GALNT3: variants seen among roughly 807,000 people sequenced by gnomAD.
The protein encoded by GALNT3 is polypeptide N-acetylgalactosaminyltransferase 3.
Under a neutral mutation model 69.8 loss-of-function variants are expected in GALNT3, and 51 were observed. The observed-to-expected ratio is 0.73, with a 90% CI of 0.58 to 0.92. GALNT3 has a LOEUF of 0.92. Among genes scored for constraint, GALNT3 ranks in the 40% least tolerant of loss-of-function variants. GALNT3 has a pLI of 0.00. For synonymous variants in GALNT3, 265 were observed against 248.5 expected (o/e 1.07, Z -0.63); for missense variants, 711 against 760.0 (o/e 0.94, Z 0.76).
At chr2:165,785,500 CTG>C (rs1194320606) in intron 1 of GALNT3, among the ~76,000 whole-genome samples, 6 of 152,142 alleles carry the variant, frequency 3.9e-5, no homozygotes, top group Non-Finnish European at 8.8e-5. Flanking sequence ...CTTCAAACAA[CTG>C]GAGTTCACAA....
At chr2:165,765,077 A>C (rs1200132900) in intron 2 of GALNT3, 21 bp from the exon 3 acceptor site, 1 of 1,604,998 alleles carries the variant, frequency 6.2e-7, no homozygotes, top group South Asian at 1.1e-5. Flanking sequence ...TCAGAGAAGT[A>C]GAAAAACAAT....
intron 1 of GALNT3, among the ~76,000 whole-genome samples, chr2:165,790,649 C>T (rs1245458810): frequency 6.6e-6 from 1 of 151,816 alleles, no homozygotes; most frequent in East Asian, 1.9e-4. Context: ...AAATATTTCA[C>T]CCACCAAGAA....
intron 6 of GALNT3, among the ~76,000 whole-genome samples, chr2:165,758,210 C>T (rs879450872): frequency 1.3e-5 from 2 of 152,168 alleles, no homozygotes; most frequent in Admixed American, 6.5e-5. Context: ...TTTTCCACTA[C>T]ATTCCAGCCT....
At chr2:165,755,819 C>A (rs2105403924) in intron 7 of GALNT3, among the ~76,000 whole-genome samples, 1 of 152,238 alleles carries the variant, frequency 6.6e-6, no homozygotes, top group South Asian at 2.1e-4. Context: ...CTTATGCCAA[C>A]TTTGATGTCT....
intron 4 of GALNT3, 75 bp from the exon 5 acceptor site, chr2:165,759,645 T>C (rs1032202249): frequency 1.8e-5 from 19 of 1,057,250 alleles, no homozygotes; most frequent in Non-Finnish European, 2.7e-5. Context: ...GGTGAAGGTT[T>C]ACAGAGAAAT....
chr2:165,759,850 G>A (rs1282820626), intron 4 of GALNT3, among the ~76,000 whole-genome samples: 1 of 152,082 alleles, frequency 6.6e-6, no homozygotes, highest in Non-Finnish European at 1.5e-5. Context: ...TCGGCTTATG[G>A]AGCGGGTGGT....
intron 1 of GALNT3, among the ~76,000 whole-genome samples, chr2:165,776,669 G>A (rs537661156): frequency 6.6e-6 from 1 of 152,230 alleles, no homozygotes; most frequent in East Asian, 1.9e-4. Flanking sequence ...TATATATGTA[G>A]CCATTGCAAA....
chr2:165,755,617 A>C (rs759353453), intron 7 of GALNT3, among the ~76,000 whole-genome samples: 13 of 152,216 alleles, frequency 8.5e-5, no homozygotes, highest in Non-Finnish European at 1.3e-4. Flanking sequence ...AGAAAAAGGC[A>C]ATTTTCAAGT....
chr2:165,767,155 G>T (rs1241013318), intron 2 of GALNT3, among the ~76,000 whole-genome samples: 3 of 151,296 alleles, frequency 2.0e-5, no homozygotes, highest in Non-Finnish European at 4.4e-5. Flanking sequence ...CAACTACACA[G>T]AAATAAATGA....
chr2:165,777,678 G>A (rs1189001451), intron 1 of GALNT3, among the ~76,000 whole-genome samples: 1 of 152,138 alleles, frequency 6.6e-6, no homozygotes. Context: ...GCAGGAAGTG[G>A]CATGTGGATG....
At chr2:165,757,336 A>C in intron 6 of GALNT3, 89 bp from the exon 7 acceptor site, 1 of 1,269,390 alleles carries the variant, frequency 7.9e-7, no homozygotes, top group Non-Finnish European at 1.1e-6. Flanking sequence ...TATTATGAAA[A>C]ACAAAATTAG....
At chr2:165,759,931 G>A (rs997531897) in intron 4 of GALNT3, among the ~76,000 whole-genome samples, 2 of 152,038 alleles carry the variant, frequency 1.3e-5, no homozygotes, top group Admixed American at 6.6e-5. Flanking sequence ...CAGTCACCAC[G>A]TTGTACAATA....
intron 1 of GALNT3, among the ~76,000 whole-genome samples, chr2:165,775,549 G>A (rs955857545): frequency 6.6e-6 from 1 of 152,078 alleles, no homozygotes; most frequent in Non-Finnish European, 1.5e-5. Context: ...TTTTCATTAT[G>A]ACTTTTCTGT....
intron 2 of GALNT3, among the ~76,000 whole-genome samples, chr2:165,767,396 A>T (rs1688662735): frequency 6.6e-6 from 1 of 152,284 alleles, no homozygotes; most frequent in South Asian, 2.1e-4. Context: ...ATCGATAATT[A>T]TAAAATGGTT....
chr2:165,760,799 G>A (rs1439296831), intron 4 of GALNT3, among the ~76,000 whole-genome samples: 1 of 152,068 alleles, frequency 6.6e-6, no homozygotes, highest in Non-Finnish European at 1.5e-5. Context: ...CTCATACAAA[G>A]TATAGCCCAC....
chr2:165,766,126 G>A (rs977715577), intron 2 of GALNT3, among the ~76,000 whole-genome samples: 4 of 151,988 alleles, frequency 2.6e-5, no homozygotes, highest in African/African-American at 9.7e-5. Context: ...TACTTATTAA[G>A]TACTGCCATT....
At chr2:165,753,059 T>A (rs951249611) in intron 9 of GALNT3, among the ~76,000 whole-genome samples, 1 of 152,218 alleles carries the variant, frequency 6.6e-6, no homozygotes, top group African/African-American at 2.4e-5. Context: ...CTTCTGGGCA[T>A]CTGTATCATC....
intron 6 of GALNT3, 65 bp downstream of exon 6, chr2:165,758,682 C>A (rs994184585): frequency 1.6e-5 from 17 of 1,035,208 alleles, no homozygotes; most frequent in Middle Eastern, 2.7e-4. Flanking sequence ...TATGTACCAG[C>A]CGATTAGAAC....
At chr2:165,750,646 T>C (rs2105399423) in intron 9 of GALNT3, among the ~76,000 whole-genome samples, 1 of 152,292 alleles carries the variant, frequency 6.6e-6, no homozygotes, top group Admixed American at 6.5e-5. Flanking sequence ...TGCCAGATAG[T>C]CTTTTAAAGC....
Sources: allele counts gnomAD v4.1 joint callset (sites outside exome capture counted in the v4.1 genomes callset), GRCh38; gene constraint gnomAD v4.1.1; transcripts MANE v1.5; gene names NCBI Gene and HGNC (gene_info 2026-07-23, HGNC 2026-07-21).